The following CCND3 variants were observed in gnomAD, a reference collection of about 807,000 sequenced individuals.
CCND3 encodes G1/S-specific cyclin-D3.
A neutral mutation model predicts 28.7 loss-of-function variants in CCND3; 9 were observed. The ratio of observed to expected loss-of-function variants is 0.31; its 90% confidence interval spans 0.19 to 0.55. CCND3 has a LOEUF of 0.55. Ranked by LOEUF, CCND3 falls within the 20% of genes least tolerant of loss-of-function variation. The pLI is 0.93. For synonymous variants in CCND3, 164 were observed against 163.9 expected, an observed-to-expected ratio of 1.00 and a Z score of 0.00; for missense variants, 315 against 385.8, an observed-to-expected ratio of 0.82 and a Z score of 1.54.
chr6:41,946,216 TG>T (rs2127397937), upstream of CCND3, among the ~76,000 whole-genome samples: 1 of 152,196 alleles, frequency 6.6e-6, no homozygotes, highest in South Asian at 2.1e-4. Context: ...GAGGAGGAAA[TG>T]GGTTGATTTG....
Position 41,935,561 on chromosome 6 carries a change from A to G in CCND3, c.*379T>C, listed in dbSNP as rs1775746864. Reference sequence around the variant, plus strand: ...ATGCAATAACCCTAGAAGGGACAACACCTTTAGAAGGCACTAGAGCATTTT... The same window carrying G: ...ATGCAATAACCCTAGAAGGGACAACGCCTTTAGAAGGCACTAGAGCATTTT... On this transcript the variant is annotated 3_prime_UTR_variant, in exon 5 of 5. Transcript: ENST00000372991. 2.4e-6 allele frequency: 1 copy of G among 425,516 alleles called. No individual in the cohort carries two copies. Among genetic ancestry groups the G allele is most frequent in the African/African-American group, 2.0e-5 (1 of 50,390 alleles). 26.4% of individuals were successfully genotyped at this position (425,516 alleles called of 1,614,324 possible).
chr6:41,985,190 T>C (rs1762451355), intron 1 of CCND3, among the ~76,000 whole-genome samples: 1 of 152,110 alleles, frequency 6.6e-6, no homozygotes, highest in African/African-American at 2.4e-5. Context: ...TTGTTGCCTG[T>C]CCTATGTCAT....
intron 1 of CCND3, among the ~76,000 whole-genome samples, chr6:41,969,969 G>A (rs575914434): frequency 1.2e-4 from 18 of 152,100 alleles, no homozygotes; most frequent in Non-Finnish European, 2.1e-4. Flanking sequence ...CTACTTGGGC[G>A]GCTTAGCTGG....
intron 1 of CCND3, among the ~76,000 whole-genome samples, chr6:42,047,046 G>C (rs1030295091): frequency 1.3e-5 from 2 of 152,176 alleles, no homozygotes; most frequent in African/African-American, 4.8e-5. Context: ...TATATTAGGA[G>C]GTTTAAATGA....
intron 1 of CCND3, among the ~76,000 whole-genome samples, chr6:42,029,586 C>T (rs1460341999): frequency 6.6e-6 from 1 of 151,962 alleles, no homozygotes; most frequent in African/African-American, 2.4e-5. Context: ...GCCTGTAATC[C>T]CAGCACTTTG....
At chr6:41,940,853 C>T in intron 1 of CCND3, 1 of 1,194,808 alleles carries the variant, frequency 8.4e-7, no homozygotes, top group Non-Finnish European at 1.3e-6. Context: ...CAAACGGAGA[C>T]TCCCCTCCCC....
At chr6:42,046,438 TG>T (rs1764545382) in intron 1 of CCND3, among the ~76,000 whole-genome samples, 1 of 152,222 alleles carries the variant, frequency 6.6e-6, no homozygotes, top group Admixed American at 6.5e-5. Context: ...ACATCTAGAA[TG>T]TGAGCATCTC....
At chr6:41,966,339 G>A (rs1446858329) in intron 1 of CCND3, among the ~76,000 whole-genome samples, 1 of 151,838 alleles carries the variant, frequency 6.6e-6, no homozygotes, top group African/African-American at 2.4e-5. Flanking sequence ...AGGATCCCTG[G>A]AGCCCAGGAG....
At chr6:42,040,377 C>T (rs890677754) in intron 1 of CCND3, among the ~76,000 whole-genome samples, 3 of 152,092 alleles carry the variant, frequency 2.0e-5, no homozygotes, top group Admixed American at 6.5e-5. Flanking sequence ...GAGATCGTGC[C>T]ATTGCACTCC....
chr6:41,936,888 A>G lies in CCND3; in HGVS notation c.575-193T>C, dbSNP rs2127390745. 1 of 622,702 alleles carries G rather than the reference A, an allele frequency of 1.6e-6. No homozygotes were observed. 38.6% of individuals were successfully genotyped at this position (622,702 alleles called of 1,614,324 possible). ...AAAGAGTATCTTTCCTAGAGATCAGAACCAACTGCCAGTTTCCATAGGTCC... is the reference window on the plus strand; with the variant it reads ...AAAGAGTATCTTTCCTAGAGATCAGGACCAACTGCCAGTTTCCATAGGTCC... On this transcript the variant is annotated intron_variant, in intron 3 of 4. Transcript: ENST00000372991. This position sits in a 1 kb window ranked among gnomAD's most constrained non-coding sequence, Gnocchi z 4.4.
Position 41,935,036 on chromosome 6 carries a change from G to A in CCND3, c.*904C>T, listed in dbSNP as rs903789585. 2 of 233,028 alleles carry A rather than the reference G, an allele frequency of 8.6e-6. No homozygotes were observed. Among genetic ancestry groups the A allele is most frequent in the African/African-American group, 4.4e-5 (2 of 45,340 alleles). 14.4% of individuals were successfully genotyped at this position (233,028 alleles called of 1,614,324 possible). A position where few individuals can be genotyped will look rare whatever the true frequency, so the allele number is the denominator to read the frequency against. On this transcript the variant is annotated 3_prime_UTR_variant, in exon 5 of 5. Coordinates refer to ENST00000372991, the MANE Select transcript of CCND3 (RefSeq NM_001760.5). ...CCTTGCAGCCTTAGGAAAGACCTGT[G>A]TCAACAGGGCTTGCCTCCCTCTCTA...
At chr6:41,944,014 A>G (rs1176224427), upstream of CCND3, among the ~76,000 whole-genome samples, 2 of 152,158 alleles carry the variant, frequency 1.3e-5, no homozygotes, top group African/African-American at 2.4e-5. Context: ...AATTTTTAAA[A>G]TCAGTATTTT....
At chr6:41,981,931 G>A (rs1237969630) in intron 1 of CCND3, among the ~76,000 whole-genome samples, 1 of 152,024 alleles carries the variant, frequency 6.6e-6, no homozygotes, top group East Asian at 1.9e-4. Context: ...AGCCCAGAAG[G>A]TTGAGGTCAG....
At chr6:41,944,185 A>C (rs1480352720), upstream of CCND3, among the ~76,000 whole-genome samples, 1 of 152,064 alleles carries the variant, frequency 6.6e-6, no homozygotes, top group African/African-American at 2.4e-5. Context: ...TAAAAAAAAA[A>C]AATAAGCTGG....
At chr6:41,959,528 C>T (rs1342192932) in intron 1 of CCND3, among the ~76,000 whole-genome samples, 4 of 151,582 alleles carry the variant, frequency 2.6e-5, no homozygotes, top group African/African-American at 7.3e-5. Flanking sequence ...ACTAAAAATA[C>T]AAAAAATTAG....
chr6:41,994,405 C>A (rs1241962228), intron 1 of CCND3, among the ~76,000 whole-genome samples: 2 of 152,094 alleles, frequency 1.3e-5, no homozygotes, highest in Non-Finnish European at 2.9e-5. Context: ...TTGTAGATGA[C>A]ATTCTGGAAA....
rs35776222 is a variant in CCND3, at chr6:41,989,454, C to CAAAA, written c.-45-48873_-45-48870dup. ...GGGCGACAAGAGTGAAACACTGTCT[C>CAAAA]AAAAAAAAAAAACAAAAAAAAAAAA... On this transcript the variant is annotated intron_variant, in intron 1 of 4. Transcript: ENST00000372988. 9.2e-4 allele frequency among the ~76,000 whole-genome samples: 20 copies of CAAAA among 21,702 alleles called. 2 individuals carry two copies. The highest frequency in any genetic ancestry group is 1.8e-3 in the Admixed American group (4 of 2,226). The allele number at this position is 21,702 out of a possible 152,430, so 14.2% of individuals were successfully genotyped here. A position where few individuals can be genotyped will look rare whatever the true frequency, so the allele number is the denominator to read the frequency against.
rs1055932988 is a variant in CCND3 at position 42,048,962 on chromosome 6, C to A, written c.-507G>T. 1.5e-5 allele frequency: 3 copies of A among 198,152 alleles called. No individual in the cohort carries two copies. The highest frequency in any genetic ancestry group is 2.4e-5 in the African/African-American group (1 of 41,660). The allele number at this position is 198,152 out of a possible 1,614,324, so 12.3% of individuals were successfully genotyped here. A position where few individuals can be genotyped will look rare whatever the true frequency, so the allele number is the denominator to read the frequency against. ...GCCGGGGCAGCACGGGTTCCCGGAC[C>A]GCTGCCTCCCGGCGTTGGCAACTCC... is the stretch of plus-strand genomic sequence containing the variant. On this transcript the variant is annotated 5_prime_UTR_variant, in exon 1 of 5. Transcript: ENST00000372988. The surrounding 1 kb of genome is among the most constrained non-coding windows in gnomAD (Gnocchi z 4.7).
At chr6:42,040,025 C>T (rs1353385498) in intron 1 of CCND3, among the ~76,000 whole-genome samples, 3 of 152,236 alleles carry the variant, frequency 2.0e-5, no homozygotes, top group Non-Finnish European at 2.9e-5. Context: ...AGACTGTGTA[C>T]GTGACAATGT....
Sources: allele counts gnomAD v4.1 joint callset (sites outside exome capture counted in the v4.1 genomes callset), GRCh38; gene constraint gnomAD v4.1.1; non-coding constraint Gnocchi (gnomAD v3.1); transcripts MANE v1.5; gene names NCBI Gene and HGNC (gene_info 2026-07-23, HGNC 2026-07-21).